NMNAT1: variants seen among roughly 807,000 people sequenced by gnomAD.
NMNAT1 encodes the protein nicotinamide nucleotide adenylyltransferase 1, also known as nicotinamide/nicotinic acid mononucleotide adenylyltransferase 1.
A neutral mutation model predicts 16.7 loss-of-function variants in NMNAT1; 11 were observed. The ratio of observed to expected loss-of-function variants is 0.66; its 90% confidence interval spans 0.41 to 1.09. The LOEUF is 1.09. Ranked by LOEUF, NMNAT1 falls within the 50% of genes least tolerant of loss-of-function variation. NMNAT1 has a pLI of 0.00. For synonymous variants in NMNAT1, 110 were observed against 119.8 expected, an observed-to-expected ratio of 0.92 and a Z score of 0.53; for missense variants, 280 against 332.3, an observed-to-expected ratio of 0.84 and a Z score of 1.22.
At chr1:9,945,585 A>C (rs1640960935) in intron 1 of NMNAT1, among the ~76,000 whole-genome samples, 1 of 152,176 alleles carries the variant, frequency 6.6e-6, no homozygotes. Flanking sequence ...CTGTAGTTCC[A>C]GCTACTCGGG....
At position 9,976,624 on chromosome 1, in the gene NMNAT1, CT is replaced by C. The variant is rs765731379; in HGVS notation, c.299+861del. Among the ~76,000 whole-genome samples the C allele has an allele frequency of 2.5e-3, 361 of 146,232 alleles. 5 individuals are homozygous for C. Among genetic ancestry groups the C allele is most frequent in the Non-Finnish European group, 3.4e-3 (223 of 66,028 alleles). On this transcript the variant is annotated intron_variant, in intron 3 of 4. Coordinates refer to ENST00000377205, the MANE Select transcript of NMNAT1 (RefSeq NM_022787.4). ...GAGTAAGTGACATCTAATTATTTCT[CT>C]TTTTTTTTTTTCTTTTTGAGACGGA...
intron 1 of NMNAT1, among the ~76,000 whole-genome samples, chr1:9,956,170 C>CT (rs113840450): frequency 0.017 from 2,231 of 133,964 alleles, 53 homozygotes; most frequent in African/African-American, 0.051. Flanking sequence ...TGTTTCTTTT[C>CT]TTTTTTTTTT....
At chr1:9,976,627 T>C (rs1454772585) in intron 3 of NMNAT1, among the ~76,000 whole-genome samples, 1 of 151,928 alleles carries the variant, frequency 6.6e-6, no homozygotes, top group African/African-American at 2.4e-5. Flanking sequence ...TATTTCTCTT[T>C]TTTTTTTTTC....
At chr1:9,973,707 CAAAAAA>C (rs1053350657) in intron 2 of NMNAT1, among the ~76,000 whole-genome samples, 1 of 21,608 alleles carries the variant, frequency 4.6e-5, no homozygotes, top group Non-Finnish European at 9.0e-5. Context: ...GACTCCATCT[CAAAAAA>C]AAAAAAAAAA....
At chr1:9,989,468 C>A (rs1248663560), downstream of NMNAT1, among the ~76,000 whole-genome samples, 4 of 151,314 alleles carry the variant, frequency 2.6e-5, no homozygotes, top group Admixed American at 2.0e-4. Flanking sequence ...AAAAAAAAAA[C>A]CAAGCTCAGC....
At position 9,953,509 on chromosome 1, in the gene NMNAT1, C is replaced by T. The variant is rs182438645; in HGVS notation, c.-57+9994C>T. 4.5e-4 allele frequency among the ~76,000 whole-genome samples: 67 copies of T among 150,466 alleles called. No homozygotes were observed. In the East Asian group the frequency reaches 0.01, roughly 23 times the overall value. ...AGGCTAGAATGCAGTGGCATGATCTCGGCTGACTGCAACCTCTGCCTCCCG... is the reference window on the plus strand; with the variant it reads ...AGGCTAGAATGCAGTGGCATGATCTTGGCTGACTGCAACCTCTGCCTCCCG... On this transcript the variant is annotated intron_variant, in intron 1 of 4. Coordinates refer to ENST00000377205, the MANE Select transcript of NMNAT1 (RefSeq NM_022787.4).
At chr1:9,964,820 C>T (rs1419597950) in intron 1 of NMNAT1, among the ~76,000 whole-genome samples, 5 of 148,988 alleles carry the variant, frequency 3.4e-5, no homozygotes, top group African/African-American at 7.4e-5. Context: ...TGGTGACGCA[C>T]ACCTGTAGTC....
rs1557455845 is a variant in NMNAT1, at chr1:9,950,773, G to A, written c.-57+7258G>A. ...TTTGCTTTGCTTTTCATACTTCTTA[G>A]CTTCTTGGATCTCTTGCTTTAAGAG... On this transcript the variant is annotated intron_variant, in intron 1 of 4. Coordinates refer to ENST00000377205, the MANE Select transcript of NMNAT1 (RefSeq NM_022787.4). The A allele has an allele frequency of 1.3e-5, 2 of 151,890 alleles. 1 individual carries two copies. The highest frequency in any genetic ancestry group is 1.3e-4 in the Admixed American group (2 of 15,204). The allele number at this position is 151,890 out of a possible 1,614,324, so 9.4% of individuals were successfully genotyped here. A position where few individuals can be genotyped will look rare whatever the true frequency, so the allele number is the denominator to read the frequency against.
the NMNAT1 span, among the ~76,000 whole-genome samples, chr1:9,992,625 C>G: frequency 7.2e-5 from 11 of 151,964 alleles, no homozygotes; most frequent in Admixed American, 6.6e-4. Context: ...AGACTGTACC[C>G]CTATGGCCGG....
chr1:9,958,796 A>G (rs1641330987), intron 1 of NMNAT1, among the ~76,000 whole-genome samples: 1 of 152,158 alleles, frequency 6.6e-6, no homozygotes, highest in African/African-American at 2.4e-5. Context: ...ATGACTGTAA[A>G]TTAATGTAAA....
downstream of NMNAT1, among the ~76,000 whole-genome samples, chr1:9,989,730 C>G (rs1360731371): frequency 6.6e-6 from 1 of 152,176 alleles, no homozygotes; most frequent in Non-Finnish European, 1.5e-5. Context: ...CTACCTCATT[C>G]CTCCTGGACA....
intron 2 of NMNAT1, among the ~76,000 whole-genome samples, chr1:9,972,902 C>T (rs138103520): frequency 9.9e-4 from 150 of 152,146 alleles, no homozygotes; most frequent in Non-Finnish European, 1.8e-3. Context: ...TCTAGGCTAC[C>T]GTGAGCCATG....
At position 9,981,039 on chromosome 1, in the gene NMNAT1, A is replaced by G; in HGVS notation, c.308A>G (p.Gln103Arg). Residue 103 changes from glutamine (Q) to arginine (R), a missense_variant, in exon 4 of 5, where the codon CAA becomes CGA. Transcript: ENST00000377205. ...GTTTTGTTGTTTTATAGACACCATC[A>G]AGAGAAATTGGAGGCTAGTGACTGT... is the stretch of plus-strand genomic sequence containing the variant. ...KETLKVLRHHQEKLEASDCDH... is the reference protein window; with the variant it reads ...KETLKVLRHHREKLEASDCDH... 2 of 1,605,670 alleles carry G rather than the reference A, an allele frequency of 1.2e-6. No individual in the cohort carries two copies. Among genetic ancestry groups the G allele is most frequent in the Middle Eastern group, 1.7e-4 (1 of 5,994 alleles).
At chr1:9,967,799 G>A (rs925403472) in intron 1 of NMNAT1, among the ~76,000 whole-genome samples, 2 of 151,906 alleles carry the variant, frequency 1.3e-5, no homozygotes, top group Non-Finnish European at 2.9e-5. Flanking sequence ...GGGCAATATG[G>A]CAAAACCCCA....
At chr1:9,991,342 T>C in the NMNAT1 span, among the ~76,000 whole-genome samples, 1 of 152,030 alleles carries the variant, frequency 6.6e-6, no homozygotes, top group Admixed American at 6.6e-5. Flanking sequence ...TGGCTAATTT[T>C]TGTTTTTAGT....
chr1:9,951,262 C>T (rs1036927924), intron 1 of NMNAT1: 2 of 152,130 alleles, frequency 1.3e-5, no homozygotes, highest in African/African-American at 4.8e-5. Flanking sequence ...CCGACAGGAG[C>T]ACAGACAAGT....
At chr1:9,973,707 C>CAA (rs1053350657) in intron 2 of NMNAT1, among the ~76,000 whole-genome samples, 220 of 21,470 alleles carry the variant, frequency 0.01, 8 homozygotes, top group African/African-American at 0.025. Flanking sequence ...GACTCCATCT[C>CAA]AAAAAAAAAA....
the NMNAT1 span, among the ~76,000 whole-genome samples, chr1:9,991,147 G>GTAA: frequency 3.3e-5 from 5 of 150,260 alleles, no homozygotes; most frequent in Non-Finnish European, 7.4e-5. Flanking sequence ...TAGGAAGTAA[G>GTAA]TAAGATTTCT....
At chr1:9,966,863 T>C (rs1293950088) in intron 1 of NMNAT1, among the ~76,000 whole-genome samples, 1 of 152,134 alleles carries the variant, frequency 6.6e-6, no homozygotes, top group Admixed American at 6.6e-5. Context: ...CCTCAGACTT[T>C]CAACAGCAAT....
Sources: allele counts gnomAD v4.1 joint callset (sites outside exome capture counted in the v4.1 genomes callset), GRCh38; gene constraint gnomAD v4.1.1; transcripts MANE v1.5; gene names NCBI Gene and HGNC (gene_info 2026-07-23, HGNC 2026-07-21).